TENM4: variants seen among roughly 807,000 people sequenced by gnomAD.
TENM4 encodes teneurin-4.
TENM4 carries 82 observed loss-of-function variants against 243.3 expected under a neutral mutation model. The observed-to-expected ratio is 0.34, with a 90% CI of 0.28 to 0.40. The LOEUF (loss-of-function observed/expected upper bound fraction) is 0.40. Ranked by LOEUF, TENM4 falls within the 10% of genes least tolerant of loss-of-function variation. The pLI is 1.00. For synonymous variants in TENM4, 1,412 were observed against 1,456.3 expected, an observed-to-expected ratio of 0.97 and a Z score of 0.69; for missense variants, 3,138 against 3,673.3, an observed-to-expected ratio of 0.85 and a Z score of 3.77.
At chr11:78,758,008 C>T (rs1565366348) in intron 18 of TENM4, among the ~76,000 whole-genome samples, 2 of 152,176 alleles carry the variant, frequency 1.3e-5, no homozygotes, top group Non-Finnish European at 1.5e-5. Flanking sequence ...CTCATTATAT[C>T]AAAGTACTTT....
intron 6 of TENM4, among the ~76,000 whole-genome samples, chr11:78,946,136 A>G (rs1345877311): frequency 6.6e-6 from 1 of 152,228 alleles, no homozygotes; most frequent in Non-Finnish European, 1.5e-5. Context: ...TAGGACTTTC[A>G]TAGTTAGAGA....
At chr11:79,178,916 T>C (rs927962560) in intron 3 of TENM4, among the ~76,000 whole-genome samples, 2 of 152,248 alleles carry the variant, frequency 1.3e-5, no homozygotes, top group Admixed American at 1.3e-4. Flanking sequence ...CATATGTGTA[T>C]GTATCTGGCT....
At chr11:79,200,062 G>C (rs1863708338) in intron 3 of TENM4, among the ~76,000 whole-genome samples, 1 of 152,202 alleles carries the variant, frequency 6.6e-6, no homozygotes, top group Non-Finnish European at 1.5e-5. Flanking sequence ...AGGACCTGCA[G>C]CATCTCTAGA....
At chr11:78,703,345 T>C (rs1247976036) in intron 27 of TENM4, among the ~76,000 whole-genome samples, 1 of 152,152 alleles carries the variant, frequency 6.6e-6, no homozygotes, top group African/African-American at 2.4e-5. Flanking sequence ...CCCCAGGCGA[T>C]TTCTGTGCAC....
intron 2 of TENM4, among the ~76,000 whole-genome samples, chr11:79,246,427 T>C (rs1272056022): frequency 6.6e-6 from 1 of 152,176 alleles, no homozygotes; most frequent in Non-Finnish European, 1.5e-5. Context: ...TCTAATTCCT[T>C]TCTGAGGTAT....
Position 79,194,699 on chromosome 11 carries a change from T to C in TENM4, c.-163+21109A>G, listed in dbSNP as rs765732571. 3.3e-5 allele frequency among the ~76,000 whole-genome samples: 5 copies of C among 152,178 alleles called. No homozygotes were observed. In the East Asian group the frequency reaches 7.7e-4, roughly 24 times the overall value. ...CATTCAAGAGGTGACTTGGGTACTGTTAAAGGCATTCAGTTTTATAAGGGA... is the reference window on the plus strand; with the variant it reads ...CATTCAAGAGGTGACTTGGGTACTGCTAAAGGCATTCAGTTTTATAAGGGA... On this transcript the variant is annotated intron_variant, in intron 3 of 33. Transcript: ENST00000278550.
chr11:79,338,817 A>AC (rs764482794), intron 1 of TENM4, among the ~76,000 whole-genome samples: 2 of 152,180 alleles, frequency 1.3e-5, no homozygotes, highest in Non-Finnish European at 2.9e-5. Context: ...AGTCACACTC[A>AC]CGGAGCCTCA....
At chr11:79,021,565 G>C (rs1265161840) in intron 6 of TENM4, 1 of 152,122 alleles carries the variant, frequency 6.6e-6, no homozygotes, top group Non-Finnish European at 1.5e-5. Context: ...CTTCCAGGGG[G>C]TGTTCATACC....
Position 78,854,141 on chromosome 11 carries a change from C to T in TENM4, c.1644G>A (p.Lys548=). 6.4e-7 allele frequency: 1 copy of T among 1,551,758 alleles called. No homozygotes were observed. Among genetic ancestry groups the T allele is most frequent in the South Asian group, 1.2e-5 (1 of 84,054 alleles). Residue 548 remains lysine, a synonymous_variant, in exon 12 of 34, where the codon AAG becomes AAA. Transcript: ENST00000278550. ...IWHLAFYNDG[K]ESEVVSFLTT... ...TGAGAAAGGAAACCACTTCTGACTCCTTTCCGTCATTGTAAAAAGCCAAGT... is the reference window on the plus strand; with the variant it reads ...TGAGAAAGGAAACCACTTCTGACTCTTTTCCGTCATTGTAAAAAGCCAAGT...
intron 1 of TENM4, among the ~76,000 whole-genome samples, chr11:79,321,169 G>C (rs1184418520): frequency 2.0e-5 from 3 of 152,166 alleles, no homozygotes; most frequent in African/African-American, 2.4e-5. Flanking sequence ...ACAGTGAGGG[G>C]CTTTAATCAG....
chr11:79,363,127 A>G (rs1857619445), intron 1 of TENM4, among the ~76,000 whole-genome samples: 1 of 152,252 alleles, frequency 6.6e-6, no homozygotes, highest in South Asian at 2.1e-4. Flanking sequence ...ATATATTAAA[A>G]TAATAAAACT....
intron 3 of TENM4, chr11:79,193,209 C>T (rs750120165): frequency 6.6e-6 from 1 of 152,272 alleles, no homozygotes; most frequent in Admixed American, 6.5e-5. Context: ...GAATTTTACT[C>T]ATCCTCTTCC....
chr11:78,673,099 G>A (rs998305759), intron 30 of TENM4, among the ~76,000 whole-genome samples: 1 of 152,088 alleles, frequency 6.6e-6, no homozygotes, highest in Admixed American at 6.5e-5. Flanking sequence ...CTTCAGGATC[G>A]GGAGTGCCTT....
At chr11:79,029,586 G>T (rs996953451) in intron 6 of TENM4, among the ~76,000 whole-genome samples, 4 of 152,154 alleles carry the variant, frequency 2.6e-5, no homozygotes, top group Non-Finnish European at 2.9e-5. Context: ...AAGAGCCCCT[G>T]GGGGAGTGGA....
chr11:78,820,822 C>T (rs187127794), intron 12 of TENM4, among the ~76,000 whole-genome samples: 1 of 152,336 alleles, frequency 6.6e-6, no homozygotes, highest in Admixed American at 6.5e-5. Context: ...GCTGTGAAAG[C>T]AAATTAAACT....
intron 1 of TENM4, among the ~76,000 whole-genome samples, chr11:79,311,470 C>T (rs953954554): frequency 2.6e-5 from 4 of 152,174 alleles, no homozygotes; most frequent in African/African-American, 7.2e-5. Flanking sequence ...ACAGACACAG[C>T]GGATGTGCTA....
intron 7 of TENM4, among the ~76,000 whole-genome samples, chr11:78,895,986 G>A (rs1855784465): frequency 6.6e-6 from 1 of 152,170 alleles, no homozygotes; most frequent in Admixed American, 6.5e-5. Flanking sequence ...ACTAGCCCCT[G>A]AACTGCCTGT....
At chr11:78,972,116 A>AT (rs772700768) in intron 6 of TENM4, among the ~76,000 whole-genome samples, 2 of 152,260 alleles carry the variant, frequency 1.3e-5, no homozygotes, top group Non-Finnish European at 2.9e-5. Flanking sequence ...TGAATATGAG[A>AT]TTTTTTAAAA....
intron 3 of TENM4, among the ~76,000 whole-genome samples, chr11:79,190,438 G>A (rs1863457872): frequency 6.6e-6 from 1 of 152,156 alleles, no homozygotes; most frequent in South Asian, 2.1e-4. Context: ...TCTTTGGAGG[G>A]CAGGACTAAG....
Sources: gnomAD v4.1 joint callset for allele counts (sites outside exome capture counted in the v4.1 genomes callset) on GRCh38, gnomAD v4.1.1 for gene constraint, MANE v1.5 for transcripts, NCBI Gene and HGNC (gene_info 2026-07-23, HGNC 2026-07-21) for gene names.